SEC22A: variants seen among roughly 807,000 people sequenced by gnomAD.
SEC22A encodes the protein SEC22 homolog A, vesicle trafficking protein.
SEC22A carries 22 observed loss-of-function variants against 35.3 expected under a neutral mutation model. The ratio of observed to expected loss-of-function variants is 0.62; its 90% confidence interval spans 0.45 to 0.89. The LOEUF is 0.89. Among genes scored for constraint, SEC22A ranks in the 40% least tolerant of loss-of-function variants. SEC22A has a pLI of 0.00. For missense variants in SEC22A, 354 were observed against 362.5 expected (o/e 0.98, Z 0.19); for synonymous variants, 119 against 129.5 (o/e 0.92, Z 0.55).
chr3:123,245,838 A>C, intron 4 of SEC22A, 61 bp from the exon 5 acceptor site: 1 of 899,680 alleles, frequency 1.1e-6, no homozygotes, highest in Non-Finnish European at 1.8e-6. Context: ...TTTCTGTTTT[A>C]CCTAAGTTCA....
At chr3:123,202,565 T>C (rs1239110978) in intron 1 of SEC22A, among the ~76,000 whole-genome samples, 4 of 152,074 alleles carry the variant, frequency 2.6e-5, no homozygotes, top group Non-Finnish European at 5.9e-5. Flanking sequence ...TTGGGAACGA[T>C]GTGGCAGAAG....
In SEC22A at chr3:123,264,911, C is replaced by T. The variant is rs2108106252; in HGVS notation, c.723+5322C>T. Among the ~76,000 whole-genome samples the T allele has an allele frequency of 2.0e-5, 3 of 152,014 alleles. No individual in the cohort carries two copies. The Middle Eastern group carries it at 0.01, about 517-fold the overall frequency. On this transcript the variant is annotated intron_variant, in intron 6 of 6. Coordinates refer to ENST00000492595, the MANE Select transcript of SEC22A (RefSeq NM_012430.5). ...ATCCACCCACCTCAGCCTCCCAAAG[C>T]TCTGGGATTATAAGCGTGAGCCACC...
chr3:123,262,389 C>G (rs1172191164), intron 6 of SEC22A, among the ~76,000 whole-genome samples: 1 of 152,186 alleles, frequency 6.6e-6, no homozygotes, highest in Non-Finnish European at 1.5e-5. Context: ...TTAGAGTCAT[C>G]AATTGTTAAC....
At chr3:123,233,654 CAAAAA>C (rs34046685) in intron 4 of SEC22A, among the ~76,000 whole-genome samples, 1 of 149,736 alleles carries the variant, frequency 6.7e-6, no homozygotes, top group Non-Finnish European at 1.5e-5. Context: ...AACAAACAAA[CAAAAA>C]AAAACACTCA....
chr3:123,220,888 A>G (rs1211843113), intron 2 of SEC22A, among the ~76,000 whole-genome samples: 1 of 144,014 alleles, frequency 6.9e-6, no homozygotes, highest in Non-Finnish European at 1.5e-5. Flanking sequence ...ATACATATAT[A>G]TATATATATG....
chr3:123,215,047 A>G (rs910740481), intron 2 of SEC22A, among the ~76,000 whole-genome samples: 1 of 152,190 alleles, frequency 6.6e-6, no homozygotes, highest in Non-Finnish European at 1.5e-5. Flanking sequence ...TGATTACTAG[A>G]GTAACAACTT....
intron 6 of SEC22A, among the ~76,000 whole-genome samples, chr3:123,260,373 T>G (rs1388545921): frequency 6.6e-6 from 1 of 152,064 alleles, no homozygotes; most frequent in East Asian, 1.9e-4. Context: ...GAATTATTAC[T>G]ACAGGTAGAA....
intron 3 of SEC22A, among the ~76,000 whole-genome samples, chr3:123,224,398 C>T (rs957133591): frequency 6.8e-6 from 1 of 146,070 alleles, no homozygotes; most frequent in African/African-American, 2.5e-5. Context: ...CAATAAAAAA[C>T]AGATTTATAA....
Position 123,223,598 on chromosome 3 carries a change from C to T in SEC22A, c.222C>T (p.Cys74=), listed in dbSNP as rs372270240. The part of the protein sequence containing the change: ...SSLGVSYMML[C]TENYPNVLAF... ...TGGGAGTGAGCTACATGATGTTGTG[C>T]ACTGAAAATTACCCAAATGTTCTCG... The change falls in exon 3 of 7, where the codon TGC becomes TGT. Residue 74 remains cysteine (C), a synonymous_variant. Transcript: ENST00000492595. The T allele has an allele frequency of 1.2e-6, 2 of 1,613,526 alleles. No homozygotes were observed. The highest frequency in any genetic ancestry group is 2.2e-5 in the East Asian group (1 of 44,856).
intron 5 of SEC22A, among the ~76,000 whole-genome samples, chr3:123,252,916 AT>A (rs891983198): frequency 6.6e-6 from 1 of 152,160 alleles, no homozygotes; most frequent in Non-Finnish European, 1.5e-5. Flanking sequence ...AAATTAGATT[AT>A]TTTCACTTCT....
chr3:123,263,794 T>C (rs1388115529), intron 6 of SEC22A, among the ~76,000 whole-genome samples: 1 of 152,216 alleles, frequency 6.6e-6, no homozygotes, highest in East Asian at 1.9e-4. Flanking sequence ...ATAAGCCAGA[T>C]AGGCATTTTT....
At chr3:123,236,713 T>C (rs989513028) in intron 4 of SEC22A, among the ~76,000 whole-genome samples, 2 of 152,138 alleles carry the variant, frequency 1.3e-5, no homozygotes, top group African/African-American at 2.4e-5. Flanking sequence ...TCAAATTATG[T>C]CTACAACAAG....
Position 123,233,902 on chromosome 3 carries a change from GAAATA to G in SEC22A, c.541+8612_541+8616del, listed in dbSNP as rs1451432589. ...AAAAGGCATGTAGATTGCAAAGGAA[GAAATA>G]AAATAACACCATTCACATATGACGT... is the stretch of plus-strand genomic sequence containing the variant. On this transcript the variant is annotated intron_variant, in intron 4 of 6. Transcript: ENST00000492595. Among the ~76,000 whole-genome samples the G allele has an allele frequency of 2.6e-5, 4 of 152,112 alleles. No individual in the cohort carries two copies. The South Asian group carries it at 8.3e-4, about 32-fold the overall frequency.
At chr3:123,261,030 T>A (rs1256147436) in intron 6 of SEC22A, among the ~76,000 whole-genome samples, 1 of 152,050 alleles carries the variant, frequency 6.6e-6, no homozygotes, top group Non-Finnish European at 1.5e-5. Context: ...AGAGATGACG[T>A]TTCACCATGT....
chr3:123,219,417 A>G (rs1937086268), intron 2 of SEC22A, among the ~76,000 whole-genome samples: 1 of 152,234 alleles, frequency 6.6e-6, no homozygotes, highest in South Asian at 2.1e-4. Flanking sequence ...TAATTGGTTA[A>G]TCTATACTAC....
intron 1 of SEC22A, among the ~76,000 whole-genome samples, chr3:123,203,642 A>G (rs1397073734): frequency 9.2e-5 from 14 of 152,182 alleles, no homozygotes; most frequent in Non-Finnish European, 1.5e-4. Context: ...GATAGTTTCT[A>G]TATCCCTGGT....
At chr3:123,231,318 A>C (rs909010203) in intron 4 of SEC22A, among the ~76,000 whole-genome samples, 2 of 152,204 alleles carry the variant, frequency 1.3e-5, no homozygotes, top group Non-Finnish European at 2.9e-5. Context: ...GTGAGACATA[A>C]CAGACATCTA....
chr3:123,239,228 C>A (rs540797814), intron 4 of SEC22A, among the ~76,000 whole-genome samples: 158 of 152,190 alleles, frequency 1.0e-3, no homozygotes, highest in African/African-American at 3.8e-3. Context: ...CAAGGATGTA[C>A]CAATGTGGGT....
chr3:123,252,906 A>G (rs761111178), intron 5 of SEC22A, among the ~76,000 whole-genome samples: 1 of 152,184 alleles, frequency 6.6e-6, no homozygotes, highest in Non-Finnish European at 1.5e-5. Flanking sequence ...AGTAATATAT[A>G]AATTAGATTA....
Sources: allele counts gnomAD v4.1 joint callset (sites outside exome capture counted in the v4.1 genomes callset), GRCh38; gene constraint gnomAD v4.1.1; transcripts MANE v1.5; gene names NCBI Gene and HGNC (gene_info 2026-07-23, HGNC 2026-07-21).